Variants in C8orf34 observed in about 807,000 individuals in gnomAD.
C8orf34 encodes the protein chromosome 8 open reading frame 34.
In C8orf34, 65 loss-of-function variants were observed where a neutral mutation model predicts 68.3. The observed-to-expected ratio is 0.95, with a 90% CI of 0.78 to 1.17. C8orf34 has a LOEUF of 1.17. Ranked by LOEUF, C8orf34 falls within the 50% of genes most tolerant of loss-of-function variation. C8orf34 has a pLI of 0.00. For missense variants in C8orf34, 664 were observed against 655.4 expected (o/e 1.01, Z -0.14); for synonymous variants, 244 against 241.2 (o/e 1.01, Z -0.11).
rs932416833 is a variant in C8orf34 at position 68,816,853 on chromosome 8, C to T, written c.1609+908C>T. Among the ~76,000 whole-genome samples the T allele has an allele frequency of 2.5e-4, 38 of 151,746 alleles. 1 individual carries two copies. Among genetic ancestry groups the T allele is most frequent in the African/African-American group, 7.5e-4 (31 of 41,306 alleles). On this transcript the variant is annotated intron_variant, in intron 13 of 13. Coordinates refer to ENST00000518698, the MANE Select transcript of C8orf34 (RefSeq NM_052958.4). ...TAAAAAATAGAAACAACCTAATAAC[C>T]AAAAAAGAGACTGATTAGAAAAACT...
chr8:68,800,527 T>G (rs1316788294), intron 12 of C8orf34, among the ~76,000 whole-genome samples: 3 of 152,230 alleles, frequency 2.0e-5, no homozygotes, highest in Non-Finnish European at 4.4e-5. Context: ...CAACAGTAAA[T>G]ATATGTAACT....
intron 8 of C8orf34, among the ~76,000 whole-genome samples, chr8:68,673,116 C>T (rs146543303): frequency 1.4e-3 from 209 of 152,196 alleles, no homozygotes; most frequent in African/African-American, 4.8e-3. Context: ...GCATAACCAG[C>T]AGTGGTACCC....
At chr8:68,428,222 GT>G (rs1173676740) in intron 1 of C8orf34, among the ~76,000 whole-genome samples, 1 of 151,890 alleles carries the variant, frequency 6.6e-6, no homozygotes, top group Non-Finnish European at 1.5e-5. Context: ...AAAATAAAAG[GT>G]TTCCTTATGC....
intron 7 of C8orf34, among the ~76,000 whole-genome samples, chr8:68,558,839 A>G (rs1381081336): frequency 1.3e-5 from 2 of 152,190 alleles, no homozygotes; most frequent in Admixed American, 6.6e-5. Context: ...CACTACCCAA[A>G]TAGTAGAGAA....
At position 68,331,005 on chromosome 8, in the gene C8orf34, C is replaced by A; in HGVS notation, c.-8C>A. 1 of 1,402,532 alleles carries A rather than the reference C, an allele frequency of 7.1e-7. No individual in the cohort carries two copies. Among genetic ancestry groups the A allele is most frequent in the Non-Finnish European group, 9.2e-7 (1 of 1,089,384 alleles). 86.9% of individuals were successfully genotyped at this position (1,402,532 alleles called of 1,614,324 possible). ...GCGAGGGTGGGCGCGAGGCGGAGAA[C>A]GCGATGAATGAGTTCTCCCCTCGCC... On this transcript the variant is annotated 5_prime_UTR_variant, in exon 1 of 14. Transcript: ENST00000518698.
At chr8:68,598,280 C>T (rs1465507334) in intron 7 of C8orf34, among the ~76,000 whole-genome samples, 4 of 152,062 alleles carry the variant, frequency 2.6e-5, no homozygotes, top group Non-Finnish European at 5.9e-5. Flanking sequence ...AATACATTAC[C>T]CTATTCATAT....
chr8:68,585,424 C>T (rs953001574), intron 7 of C8orf34, among the ~76,000 whole-genome samples: 1 of 152,072 alleles, frequency 6.6e-6, no homozygotes, highest in African/African-American at 2.4e-5. Flanking sequence ...ATTGGATTCT[C>T]ATGTTGGATA....
chr8:68,578,466 G>A (rs1401416893), intron 7 of C8orf34, among the ~76,000 whole-genome samples: 1 of 151,912 alleles, frequency 6.6e-6, no homozygotes, highest in Admixed American at 6.6e-5. Context: ...TAGATCAGGA[G>A]GGTACCATTG....
At chr8:68,671,908 A>G (rs1820023872) in intron 8 of C8orf34, among the ~76,000 whole-genome samples, 1 of 152,184 alleles carries the variant, frequency 6.6e-6, no homozygotes, top group African/African-American at 2.4e-5. Flanking sequence ...TGTGCTAGAT[A>G]CAGTATAAGT....
At chr8:68,361,517 C>A (rs111919129) in intron 1 of C8orf34, among the ~76,000 whole-genome samples, 2 of 152,230 alleles carry the variant, frequency 1.3e-5, no homozygotes, top group African/African-American at 4.8e-5. Context: ...CCACATTACT[C>A]TATCCAACTA....
rs1024589263 is a variant in C8orf34 at position 68,347,290 on chromosome 8, A to T, written c.327+15951A>T. Among the ~76,000 whole-genome samples the T allele has an allele frequency of 3.3e-5, 5 of 152,056 alleles. No individual in the cohort carries two copies. In the South Asian group the frequency reaches 1.0e-3, roughly 32 times the overall value. On this transcript the variant is annotated intron_variant, in intron 1 of 13. Coordinates refer to ENST00000518698, the MANE Select transcript of C8orf34 (RefSeq NM_052958.4). The stretch of plus-strand genomic sequence containing the variant: ...TGTTCATGTTACTGCAAAAGACATG[A>T]TCTCATTCTTTTCTTACGGCTGCAT...
intron 7 of C8orf34, among the ~76,000 whole-genome samples, chr8:68,611,156 G>T (rs1818011605): frequency 6.6e-6 from 1 of 152,144 alleles, no homozygotes; most frequent in Non-Finnish European, 1.5e-5. Flanking sequence ...GAGCCACTGT[G>T]CCCAGCCTAC....
At chr8:68,568,800 AAGT>A (rs1816678439) in intron 7 of C8orf34, among the ~76,000 whole-genome samples, 1 of 152,238 alleles carries the variant, frequency 6.6e-6, no homozygotes, top group African/African-American at 2.4e-5. Context: ...TCCTGTCTTT[AAGT>A]TCTAGAATAG....
At chr8:68,679,229 G>C (rs1441122880) in intron 8 of C8orf34, among the ~76,000 whole-genome samples, 1 of 152,088 alleles carries the variant, frequency 6.6e-6, no homozygotes, top group East Asian at 1.9e-4. Flanking sequence ...AGAGGTTGCA[G>C]TGAGCCAAGA....
At chr8:68,411,133 T>C (rs1809426369) in intron 1 of C8orf34, among the ~76,000 whole-genome samples, 1 of 152,194 alleles carries the variant, frequency 6.6e-6, no homozygotes, top group Non-Finnish European at 1.5e-5. Context: ...TCTGTTATTT[T>C]AGTAGAAGTT....
At chr8:68,366,494 A>T (rs1056566139) in intron 1 of C8orf34, among the ~76,000 whole-genome samples, 1 of 148,256 alleles carries the variant, frequency 6.7e-6, no homozygotes, top group African/African-American at 2.5e-5. Context: ...CTGACTTCAA[A>T]CTTTACTACA....
chr8:68,701,808 C>T (rs962418074), intron 8 of C8orf34, among the ~76,000 whole-genome samples: 1 of 152,006 alleles, frequency 6.6e-6, no homozygotes, highest in Non-Finnish European at 1.5e-5. Context: ...ATGGCATATT[C>T]TCCCATTCCT....
At chr8:68,729,775 A>G (rs1376253334) in intron 10 of C8orf34, among the ~76,000 whole-genome samples, 1 of 152,184 alleles carries the variant, frequency 6.6e-6, no homozygotes, top group Non-Finnish European at 1.5e-5. Context: ...ACCTATACAT[A>G]TTCCTGCTTT....
intron 5 of C8orf34, among the ~76,000 whole-genome samples, chr8:68,500,105 C>T (rs1428231815): frequency 6.6e-6 from 1 of 152,204 alleles, no homozygotes; most frequent in Admixed American, 6.5e-5. Flanking sequence ...ATGCCAGCAC[C>T]ATGGTTCCTA....
Sources: gnomAD v4.1 joint callset for allele counts (sites outside exome capture counted in the v4.1 genomes callset) on GRCh38, gnomAD v4.1.1 for gene constraint, MANE v1.5 for transcripts, NCBI Gene and HGNC (gene_info 2026-07-23, HGNC 2026-07-21) for gene names.